The following PDE6C variants were observed in gnomAD, a reference collection of about 807,000 sequenced individuals.
PDE6C encodes the protein cone cGMP-specific 3',5'-cyclic phosphodiesterase subunit alpha'.
PDE6C carries 75 observed loss-of-function variants against 113.1 expected under a neutral mutation model. That is an observed-to-expected ratio of 0.66 (90% CI 0.55 to 0.80). PDE6C has a LOEUF of 0.80. PDE6C is among the 30% of genes least tolerant of loss of function. The pLI, the probability that PDE6C is intolerant of heterozygous loss-of-function variation, is 0.00. For synonymous variants in PDE6C, 375 were observed against 363.7 expected, an observed-to-expected ratio of 1.03 and a Z score of -0.35; for missense variants, 912 against 1,038.6, an observed-to-expected ratio of 0.88 and a Z score of 1.67.
At chr10:93,654,810 C>A (rs200513336) in intron 15 of PDE6C, among the ~76,000 whole-genome samples, 2 of 77,102 alleles carry the variant, frequency 2.6e-5, no homozygotes, top group East Asian at 8.9e-4. Flanking sequence ...TTCTTTCTTT[C>A]TTTTTTTTTT....
At chr10:93,632,762 ATC>A (rs2058507801) in intron 8 of PDE6C, among the ~76,000 whole-genome samples, 2 of 152,224 alleles carry the variant, frequency 1.3e-5, no homozygotes, top group Admixed American at 6.5e-5. Flanking sequence ...TATGCACTGC[ATC>A]TTTTTTCTAA....
At chr10:93,648,990 C>T (rs936140843) in intron 15 of PDE6C, among the ~76,000 whole-genome samples, 24 of 152,268 alleles carry the variant, frequency 1.6e-4, no homozygotes, top group African/African-American at 5.3e-4. Flanking sequence ...TATTCTCTTG[C>T]GGGCGTCATA....
rs868154890 is a variant in PDE6C, at chr10:93,637,740, G to A, written c.1482+677G>A. On this transcript the variant is annotated intron_variant, in intron 11 of 21. Coordinates refer to ENST00000371447, the MANE Select transcript of PDE6C (RefSeq NM_006204.4). ...CCTGTATTTTCATAAATGTATTGAT[G>A]TGTATTATTTTAAGGTACCCATCTT... Among the ~76,000 whole-genome samples, 3 of 152,044 alleles carry A rather than the reference G, an allele frequency of 2.0e-5. No individual in the cohort carries two copies. The South Asian group carries it at 6.2e-4, about 32-fold the overall frequency.
At chr10:93,637,636 A>G (rs2134609269) in intron 11 of PDE6C, among the ~76,000 whole-genome samples, 1 of 152,344 alleles carries the variant, frequency 6.6e-6, no homozygotes, top group African/African-American at 2.4e-5. Context: ...CAGTTCTAGA[A>G]GGTACATTTA....
At chr10:93,657,393 A>G (rs951213910) in intron 16 of PDE6C, among the ~76,000 whole-genome samples, 22 of 129,308 alleles carry the variant, frequency 1.7e-4, no homozygotes, top group African/African-American at 6.0e-4. Context: ...CATGTTGGCC[A>G]GGATGGTCTC....
chr10:93,649,627 C>T (rs368392785), intron 15 of PDE6C, among the ~76,000 whole-genome samples: 56 of 152,184 alleles, frequency 3.7e-4, no homozygotes, highest in African/African-American at 1.1e-3. Context: ...ATTTTTGAGA[C>T]GGAGTCTCAT....
intron 4 of PDE6C, among the ~76,000 whole-genome samples, chr10:93,624,692 C>T (rs1241218425): frequency 1.3e-5 from 2 of 152,138 alleles, no homozygotes; most frequent in Non-Finnish European, 2.9e-5. Flanking sequence ...ATTCTTTTGG[C>T]TATAAGAAAC....
At chr10:93,620,828 A>G (rs910409337) in intron 2 of PDE6C, 44 bp downstream of exon 2, 3 of 1,613,556 alleles carry the variant, frequency 1.9e-6, no homozygotes, top group Non-Finnish European at 2.5e-6. Context: ...CAGGAAATTT[A>G]TTTGTTGTAT....
rs541263888 is a variant in PDE6C, at chr10:93,613,923, G to A, written c.480+718G>A. ...CAACAGCATACTGCACAAATACAAG[G>A]CATTGAGATGCCCCTTATAGAAATA... On this transcript the variant is annotated intron_variant, in intron 1 of 21. Coordinates refer to ENST00000371447, the MANE Select transcript of PDE6C (RefSeq NM_006204.4). Among the ~76,000 whole-genome samples, 15 of 152,262 alleles carry A rather than the reference G, an allele frequency of 9.9e-5. No individual in the cohort carries two copies. In the South Asian group the frequency reaches 1.0e-3, roughly 11 times the overall value.
chr10:93,640,008 A>G, intron 11 of PDE6C, 62 bp from the exon 12 acceptor site: 2 of 1,561,044 alleles, frequency 1.3e-6, no homozygotes, highest in East Asian at 2.2e-5. Flanking sequence ...AATGTTGGCT[A>G]TGGGAGTGGA....
At chr10:93,661,034 A>G (rs2058663629) in intron 18 of PDE6C, among the ~76,000 whole-genome samples, 2 of 152,146 alleles carry the variant, frequency 1.3e-5, no homozygotes, top group African/African-American at 4.8e-5. Context: ...ACTTGCCCAA[A>G]GATCACTTTA....
chr10:93,655,068 C>T (rs939152741), intron 15 of PDE6C, among the ~76,000 whole-genome samples: 6 of 152,042 alleles, frequency 3.9e-5, no homozygotes, highest in East Asian at 1.9e-4. Context: ...TACCCACCTC[C>T]GCCTCCCAAA....
At position 93,613,310 on chromosome 10, in the gene PDE6C, C is replaced by T. The variant is rs551489370; in HGVS notation, c.480+105C>T. On this transcript the variant is annotated intron_variant, in intron 1 of 21. Transcript: ENST00000371447. ...CTTGTGGCATTAGTTTGGCAATAAC[C>T]GGGGGAATGTGGGTGGCAGGGAAGA... The T allele has an allele frequency of 4.9e-5, 73 of 1,488,578 alleles. No individual in the cohort carries two copies. The East Asian group carries it at 6.1e-4, about 13-fold the overall frequency. 92.2% of individuals were successfully genotyped at this position (1,488,578 alleles called of 1,614,324 possible).
intron 16 of PDE6C, among the ~76,000 whole-genome samples, chr10:93,657,328 ATTTTTTTTTTTTT>A (rs71031526): frequency 1.2e-4 from 11 of 88,284 alleles, no homozygotes; most frequent in Non-Finnish European, 1.6e-4. Context: ...CGCCTGGCTA[ATTTTTTTTTTTTT>A]TTTTTTTTTT....
chr10:93,627,258 CAAAA>C (rs57142181), intron 7 of PDE6C, among the ~76,000 whole-genome samples: 4 of 52,584 alleles, frequency 7.6e-5, no homozygotes, highest in South Asian at 2.2e-3. Flanking sequence ...TGAAACTCCA[CAAAA>C]AAAAAAAAAA....
chr10:93,613,114 C>T lies in PDE6C; in HGVS notation c.389C>T (p.Pro130Leu), dbSNP rs1255116715. ...AAGTTTGAGGACAACCTGGTGGGCC[C>T]TGACAAAGAAGTTGTGTTTCCATTG... ...TSKFEDNLVG[P>L]DKEVVFPLDI... The change falls in exon 1 of 22, where the codon CCT becomes CTT. Residue 130 changes from proline to leucine, a missense_variant. Pro to Leu is a moderately conservative substitution (Grantham distance 98). Transcript: ENST00000371447. 1 of 1,614,046 alleles carries T rather than the reference C, an allele frequency of 6.2e-7. No homozygotes were observed. The highest frequency in any genetic ancestry group is 1.3e-5 in the African/African-American group (1 of 74,918).
chr10:93,640,278 C>T, intron 12 of PDE6C, 62 bp downstream of exon 12: 1 of 1,503,388 alleles, frequency 6.7e-7, no homozygotes, highest in Non-Finnish European at 9.3e-7. Context: ...CTGATGTTTT[C>T]TGTGGTTCAA....
chr10:93,642,745 A>T (rs1233996622), intron 14 of PDE6C, among the ~76,000 whole-genome samples: 1 of 152,234 alleles, frequency 6.6e-6, no homozygotes, highest in Non-Finnish European at 1.5e-5. Flanking sequence ...ACATATGTGA[A>T]ACCTACTTGA....
intron 12 of PDE6C, 108 bp downstream of exon 12, chr10:93,640,324 A>C (rs2058553204): frequency 3.0e-6 from 4 of 1,316,412 alleles, no homozygotes; most frequent in Non-Finnish European, 3.3e-6. Flanking sequence ...ATTATTATTA[A>C]CTTTCTAAAT....
Sources: allele counts gnomAD v4.1 joint callset (sites outside exome capture counted in the v4.1 genomes callset), GRCh38; gene constraint gnomAD v4.1.1; transcripts MANE v1.5; gene names NCBI Gene and HGNC (gene_info 2026-07-23, HGNC 2026-07-21).